Variants in ADHFE1 observed in about 807,000 individuals in gnomAD.
The protein encoded by ADHFE1 is alcohol dehydrogenase iron containing 1, also known as hydroxyacid-oxoacid transhydrogenase, mitochondrial.
A neutral mutation model predicts 54.8 loss-of-function variants in ADHFE1; 37 were observed. That is an observed-to-expected ratio of 0.68 (90% CI 0.52 to 0.89). The LOEUF is 0.89. Ranked by LOEUF, ADHFE1 falls within the 40% of genes least tolerant of loss-of-function variation. The pLI is 0.00. For synonymous variants in ADHFE1, 203 were observed against 229.3 expected, an observed-to-expected ratio of 0.89 and a Z score of 1.04; for missense variants, 601 against 591.2, an observed-to-expected ratio of 1.02 and a Z score of -0.17.
intron 3 of ADHFE1, among the ~76,000 whole-genome samples, chr8:66,443,439 A>G (rs1805869895): frequency 6.6e-6 from 1 of 151,888 alleles, no homozygotes; most frequent in Admixed American, 6.6e-5. Context: ...CACCACACCC[A>G]GCTAATTTTT....
chr8:66,446,669 C>T (rs55710615), intron 6 of ADHFE1, among the ~76,000 whole-genome samples: 3,087 of 152,256 alleles, frequency 0.02, 51 homozygotes, highest in Non-Finnish European at 0.033. Flanking sequence ...CAGAAGCAGG[C>T]AATATGCATA....
chr8:66,467,574 A>G (rs1322173041), intron 13 of ADHFE1, among the ~76,000 whole-genome samples: 1 of 152,100 alleles, frequency 6.6e-6, no homozygotes, highest in Non-Finnish European at 1.5e-5. Flanking sequence ...ATGCCCAGAG[A>G]CCCATGAAAA....
chr8:66,449,934 C>T (rs916579700), intron 8 of ADHFE1, among the ~76,000 whole-genome samples: 3 of 152,148 alleles, frequency 2.0e-5, no homozygotes, highest in Admixed American at 1.3e-4. Context: ...GCCTGGGCAA[C>T]AAAGTGACAC....
chr8:66,468,133 C>G (rs971720271), intron 13 of ADHFE1, 136 bp from the exon 14 acceptor site: 2 of 603,078 alleles, frequency 3.3e-6, no homozygotes, highest in Non-Finnish European at 5.8e-6. Context: ...ATGAAGTATA[C>G]AAGAAATACC....
At chr8:66,466,174 T>G (rs1807171262) in intron 13 of ADHFE1, among the ~76,000 whole-genome samples, 1 of 151,362 alleles carries the variant, frequency 6.6e-6, no homozygotes, top group Non-Finnish European at 1.5e-5. Flanking sequence ...GCTCAAGCAA[T>G]TCTCCTGCCT....
At position 66,460,377 on chromosome 8, in the gene ADHFE1, T is replaced by C; in HGVS notation, c.1232T>C (p.Leu411Ser). The change falls in exon 13 of 14, where the codon TTA becomes TCA. Residue 411 changes from leucine to serine, a missense_variant. Leu to Ser is a moderately radical substitution (Grantham distance 145). Transcript: ENST00000396623. ...TTGGCAGACACGCTCCGGAAATTCTTATTCGATCTGGATGTTGATGATGGC... is the reference window on the plus strand; with the variant it reads ...TTGGCAGACACGCTCCGGAAATTCTCATTCGATCTGGATGTTGATGATGGC... ...LVLADTLRKF[L>S]FDLDVDDGLA... is the part of the protein sequence containing the mutation. 1.2e-6 allele frequency: 2 copies of C among 1,614,182 alleles called. No homozygotes were observed. The highest frequency in any genetic ancestry group is 2.2e-5 in the South Asian group (2 of 91,082).
At chr8:66,433,329 C>G (rs1363627495) in intron 1 of ADHFE1, among the ~76,000 whole-genome samples, 3 of 152,116 alleles carry the variant, frequency 2.0e-5, no homozygotes, top group Admixed American at 6.5e-5. Context: ...GATGCAGTCC[C>G]AGGACACAAA....
At chr8:66,461,873 C>A (rs1401692613) in intron 13 of ADHFE1, among the ~76,000 whole-genome samples, 1 of 152,134 alleles carries the variant, frequency 6.6e-6, no homozygotes, top group African/African-American at 2.4e-5. Context: ...TAGAAATGAA[C>A]AAGAAACAAA....
At chr8:66,457,651 C>A (rs892594527) in intron 12 of ADHFE1, among the ~76,000 whole-genome samples, 5 of 152,022 alleles carry the variant, frequency 3.3e-5, no homozygotes, top group Admixed American at 1.3e-4. Context: ...ATAGTGAGAT[C>A]CTGTTTCTTT....
intron 6 of ADHFE1, among the ~76,000 whole-genome samples, chr8:66,446,566 C>G (rs536376931): frequency 2.6e-5 from 4 of 152,308 alleles, no homozygotes; most frequent in African/African-American, 9.6e-5. Flanking sequence ...GTCATACATG[C>G]ATGTTAACAC....
At position 66,445,218 on chromosome 8, in the gene ADHFE1, CT is replaced by C. The variant is rs1339722978; in HGVS notation, c.356del (p.Phe119SerfsTer43). ...NVRVEPTDSS[F>X]MEAIEFAQKG... ...TGGTTTTTATTTTCTCTTCTCCAAG[CT>C]TCATGGAAGCTATTGAGTTTGCCCA... On this transcript the variant is annotated frameshift_variant and splice_region_variant, in exon 6 of 14. Coordinates refer to ENST00000396623, the MANE Select transcript of ADHFE1 (RefSeq NM_144650.3). LOFTEE classifies it high-confidence loss of function. The C allele has an allele frequency of 2.5e-6, 4 of 1,595,542 alleles. No individual in the cohort carries two copies. Among genetic ancestry groups the C allele is most frequent in the Non-Finnish European group, 3.4e-6 (4 of 1,174,244 alleles).
intron 6 of ADHFE1, 124 bp from the exon 7 acceptor site, chr8:66,447,140 T>G (rs1187731981): frequency 3.0e-6 from 2 of 665,228 alleles, no homozygotes; most frequent in African/African-American, 3.7e-5. Context: ...ATATATATCA[T>G]GCAAACAAGA....
At chr8:66,466,338 A>G (rs4532579) in intron 13 of ADHFE1, among the ~76,000 whole-genome samples, 84,802 of 150,032 alleles carry the variant, frequency 0.57, 24,892 homozygotes, top group African/African-American at 0.72. Flanking sequence ...CGCCTGCCTC[A>G]GCCTCCCAAA....
chr8:66,442,288 C>T (rs1586444516), intron 2 of ADHFE1, among the ~76,000 whole-genome samples: 1 of 149,894 alleles, frequency 6.7e-6, no homozygotes, highest in African/African-American at 2.4e-5. Flanking sequence ...AAATTAGGCT[C>T]AAGTTAGCAT....
intron 10 of ADHFE1, among the ~76,000 whole-genome samples, chr8:66,455,963 A>AC (rs1181166740): frequency 6.6e-6 from 1 of 152,042 alleles, no homozygotes; most frequent in East Asian, 1.9e-4. Flanking sequence ...AACAACAACA[A>AC]AAAAAACTAT....
intron 10 of ADHFE1, among the ~76,000 whole-genome samples, chr8:66,456,488 A>G (rs1806590141): frequency 6.6e-6 from 1 of 152,234 alleles, no homozygotes; most frequent in Non-Finnish European, 1.5e-5. Flanking sequence ...AGAGCTTATT[A>G]CAGAAACTTC....
chr8:66,439,772 C>T lies in ADHFE1; in HGVS notation c.60-390C>T. ...GCATAGGGTAGTAAGTAAGAAGAGG[C>T]ACACAGAGTTAACCTTGGGCCGATT... On this transcript the variant is annotated intron_variant, in intron 1 of 13. Coordinates refer to ENST00000396623, the MANE Select transcript of ADHFE1 (RefSeq NM_144650.3). This position sits in a 1 kb window ranked among gnomAD's most constrained non-coding sequence, Gnocchi z 4.4. 1 of 1,037,990 alleles carries T rather than the reference C, an allele frequency of 9.6e-7. No homozygotes were observed. Among genetic ancestry groups the T allele is most frequent in the Non-Finnish European group, 1.2e-6 (1 of 863,826 alleles). 64.3% of individuals were successfully genotyped at this position (1,037,990 alleles called of 1,614,324 possible).
chr8:66,448,385 AGCT>A (rs1249523194), intron 7 of ADHFE1, among the ~76,000 whole-genome samples: 2 of 152,334 alleles, frequency 1.3e-5, no homozygotes, highest in Admixed American at 1.3e-4. Context: ...TCCCTACAAC[AGCT>A]CAATGAGAGC....
At chr8:66,436,348 C>G (rs184323197) in intron 1 of ADHFE1, among the ~76,000 whole-genome samples, 73 of 152,202 alleles carry the variant, frequency 4.8e-4, no homozygotes, top group Admixed American at 2.9e-3. Context: ...GTAATGGTTG[C>G]GGAAAGACCA....
Sources: gnomAD v4.1 joint callset for allele counts (sites outside exome capture counted in the v4.1 genomes callset) on GRCh38, gnomAD v4.1.1 for gene constraint, Gnocchi (gnomAD v3.1) non-coding constraint, MANE v1.5 for transcripts, NCBI Gene and HGNC (gene_info 2026-07-23, HGNC 2026-07-21) for gene names.